The following ALDH9A1 variants were observed in gnomAD, a reference collection of about 807,000 sequenced individuals.
ALDH9A1 encodes aldehyde dehydrogenase 9 family member A1, also known as 4-trimethylaminobutyraldehyde dehydrogenase.
Under a neutral mutation model 56.6 loss-of-function variants are expected in ALDH9A1, and 42 were observed. The ratio of observed to expected loss-of-function variants is 0.74; its 90% CI spans 0.58 to 0.96. ALDH9A1 has a LOEUF of 0.96. Ranked by LOEUF, ALDH9A1 falls within the 40% of genes least tolerant of loss-of-function variation. ALDH9A1 has a pLI of 0.00. For synonymous variants in ALDH9A1, 242 were observed against 236.0 expected (o/e 1.03, Z -0.23); for missense variants, 661 against 651.5 (o/e 1.01, Z -0.16).
chr1:165,696,815 G>A (rs1021083479), intron 1 of ALDH9A1, among the ~76,000 whole-genome samples: 1 of 152,166 alleles, frequency 6.6e-6, no homozygotes, highest in African/African-American at 2.4e-5. Flanking sequence ...GCTGGTAAAG[G>A]CGGTGGCTGA....
At chr1:165,679,694 C>T (rs763526729) in intron 5 of ALDH9A1, 112 bp from the exon 6 acceptor site, 23 of 1,137,474 alleles carry the variant, frequency 2.0e-5, no homozygotes, top group African/African-American at 3.1e-5. Context: ...GACCTGTAGC[C>T]TTATTCTTGT....
chr1:165,681,865 AAATT>A (rs1324899525), intron 4 of ALDH9A1, among the ~76,000 whole-genome samples: 1 of 152,242 alleles, frequency 6.6e-6, no homozygotes, highest in Non-Finnish European at 1.5e-5. Context: ...TTCATATACA[AAATT>A]AAATAAATAA....
chr1:165,672,327 T>C (rs911381091), intron 6 of ALDH9A1, among the ~76,000 whole-genome samples: 3 of 152,108 alleles, frequency 2.0e-5, no homozygotes, highest in Non-Finnish European at 4.4e-5. Context: ...TATTTAGCCT[T>C]AAAAAGGAAA....
intron 6 of ALDH9A1, among the ~76,000 whole-genome samples, chr1:165,670,766 A>G (rs769870495): frequency 6.6e-6 from 1 of 152,190 alleles, no homozygotes; most frequent in Non-Finnish European, 1.5e-5. Context: ...AAGACGTTCA[A>G]TGTCATTCAT....
At chr1:165,682,789 A>G in intron 3 of ALDH9A1, 192 bp downstream of exon 3, 1 of 606,946 alleles carries the variant, frequency 1.6e-6, no homozygotes, top group Non-Finnish European at 2.7e-6. Flanking sequence ...CCTTAACCCA[A>G]GAAGGTAGGA....
At chr1:165,670,423 C>T (rs1041571239) in intron 6 of ALDH9A1, among the ~76,000 whole-genome samples, 16 of 134,796 alleles carry the variant, frequency 1.2e-4, no homozygotes, top group African/African-American at 2.7e-4. Context: ...CATGAGAGAG[C>T]GAGACTTTTT....
intron 2 of ALDH9A1, among the ~76,000 whole-genome samples, chr1:165,685,250 T>C (rs903852771): frequency 6.6e-6 from 1 of 152,188 alleles, no homozygotes; most frequent in Non-Finnish European, 1.5e-5. Flanking sequence ...GATGAAAGAT[T>C]AGAAGCCAAG....
chr1:165,674,411 G>C (rs1649280811), intron 6 of ALDH9A1, among the ~76,000 whole-genome samples: 1 of 150,734 alleles, frequency 6.6e-6, no homozygotes, highest in African/African-American at 2.4e-5. Flanking sequence ...AATTGGCAGG[G>C]AACAGCGGCT....
intron 3 of ALDH9A1, among the ~76,000 whole-genome samples, chr1:165,682,591 C>T (rs1649586409): frequency 6.6e-6 from 1 of 152,156 alleles, no homozygotes; most frequent in African/African-American, 2.4e-5. Flanking sequence ...TCCTTGCAAC[C>T]TTCCTAGGCC....
chr1:165,674,355 T>TA (rs1649278991), intron 6 of ALDH9A1, among the ~76,000 whole-genome samples: 1 of 139,978 alleles, frequency 7.1e-6, no homozygotes, highest in Non-Finnish European at 1.5e-5. Context: ...TGTAAGTTAG[T>TA]ATAGCCATGA....
At chr1:165,667,232 T>C (rs1412199988) in intron 9 of ALDH9A1, 77 bp downstream of exon 9, 3 of 1,566,252 alleles carry the variant, frequency 1.9e-6, no homozygotes, top group South Asian at 1.2e-5. Context: ...AGTGAGAGAA[T>C]AGGATCAATT....
chr1:165,666,494 G>T (rs947199256), intron 9 of ALDH9A1, among the ~76,000 whole-genome samples: 1 of 152,166 alleles, frequency 6.6e-6, no homozygotes, highest in African/African-American at 2.4e-5. Flanking sequence ...TACGAGGGTG[G>T]CAAAGTAAAG....
At chr1:165,679,824 C>A (rs921672124) in intron 5 of ALDH9A1, among the ~76,000 whole-genome samples, 1 of 152,116 alleles carries the variant, frequency 6.6e-6, no homozygotes, top group African/African-American at 2.4e-5. Context: ...CCAGCCTGGG[C>A]AACATAGCAA....
chr1:165,698,208 A>C (rs1473467506), intron 1 of ALDH9A1, 170 bp downstream of exon 1: 3 of 1,368,940 alleles, frequency 2.2e-6, no homozygotes, highest in African/African-American at 1.5e-5. Flanking sequence ...GCCCGGAGGC[A>C]CTCGCGTTGC....
In ALDH9A1 at chr1:165,680,693, C is replaced by T. The variant is rs771933140; in HGVS notation, c.593-10G>A. 9 of 1,586,456 alleles carry T rather than the reference C, an allele frequency of 5.7e-6. No homozygotes were observed. Among genetic ancestry groups the T allele is most frequent in the African/African-American group, 1.4e-5 (1 of 73,352 alleles). On this transcript the variant is annotated splice_polypyrimidine_tract_variant and intron_variant, in intron 4 of 10. Coordinates refer to ENST00000354775, the MANE Select transcript of ALDH9A1 (RefSeq NM_000696.4). ...AAGACCATGGCATTACCTGCATAAA[C>T]CCAAGACACAAACATAAAAAGACTT...
At chr1:165,674,618 G>A (rs1446045588) in intron 6 of ALDH9A1, among the ~76,000 whole-genome samples, 4 of 150,148 alleles carry the variant, frequency 2.7e-5, no homozygotes, top group South Asian at 2.1e-4. Context: ...CCCAGGAGGC[G>A]GAAGTTGCAG....
At chr1:165,672,562 G>T (rs1474142324) in intron 6 of ALDH9A1, among the ~76,000 whole-genome samples, 1 of 152,134 alleles carries the variant, frequency 6.6e-6, no homozygotes, top group Non-Finnish European at 1.5e-5. Flanking sequence ...GTGGGGTGAT[G>T]AAAAAGTTCT....
intron 2 of ALDH9A1, among the ~76,000 whole-genome samples, chr1:165,688,566 A>G (rs1171625177): frequency 6.6e-6 from 1 of 152,002 alleles, no homozygotes; most frequent in Non-Finnish European, 1.5e-5. Flanking sequence ...AAAAATACAA[A>G]CAAAAATTAG....
chr1:165,694,934 C>T (rs528411295), intron 2 of ALDH9A1, among the ~76,000 whole-genome samples: 1 of 142,974 alleles, frequency 7.0e-6, no homozygotes, highest in Admixed American at 7.3e-5. Flanking sequence ...CCAGCCTGGG[C>T]GACAGAGCAA....
Sources: allele counts gnomAD v4.1 joint callset (sites outside exome capture counted in the v4.1 genomes callset), GRCh38; gene constraint gnomAD v4.1.1; transcripts MANE v1.5; gene names NCBI Gene and HGNC (gene_info 2026-07-23, HGNC 2026-07-21).